The following APPBP2 variants were observed in gnomAD, a reference collection of about 807,000 sequenced individuals.
APPBP2 encodes amyloid beta precursor protein binding protein 2.
In APPBP2, 15 loss-of-function variants were observed where a neutral mutation model predicts 76.0. That is an observed-to-expected ratio of 0.20 (90% CI 0.13 to 0.30). The LOEUF (loss-of-function observed/expected upper bound fraction) is 0.30, where lower values mean the gene tolerates loss of function less well. APPBP2 is among the 10% of genes least tolerant of loss of function. APPBP2 has a pLI of 1.00. For missense variants in APPBP2, 401 were observed against 687.2 expected (o/e 0.58, Z 4.66); for synonymous variants, 222 against 242.2 (o/e 0.92, Z 0.77).
intron 3 of APPBP2, among the ~76,000 whole-genome samples, chr17:60,490,606 A>G (rs2090720171): frequency 6.6e-6 from 1 of 152,184 alleles, no homozygotes; most frequent in Non-Finnish European, 1.5e-5. Flanking sequence ...GTTTGAAGTT[A>G]CAGTGAGCTA....
At chr17:60,461,684 C>T in intron 8 of APPBP2, 126 bp downstream of exon 8, 1 of 633,698 alleles carries the variant, frequency 1.6e-6, no homozygotes, top group Non-Finnish European at 2.8e-6. Flanking sequence ...AATAATGATG[C>T]AACCTATATT....
chr17:60,460,907 A>ACC, intron 8 of APPBP2, 120 bp from the exon 9 acceptor site: 1 of 973,742 alleles, frequency 1.0e-6, no homozygotes, highest in Non-Finnish European at 1.4e-6. Context: ...TGAAGCCCAG[A>ACC]AAGTCCTGCT....
At chr17:60,486,833 G>A (rs529853076) in intron 3 of APPBP2, among the ~76,000 whole-genome samples, 31 of 152,232 alleles carry the variant, frequency 2.0e-4, no homozygotes, top group African/African-American at 5.8e-4. Context: ...GGCTGGTACC[G>A]GTTGTTCCTT....
At chr17:60,516,761 T>C (rs1184399918) in intron 1 of APPBP2, among the ~76,000 whole-genome samples, 1 of 152,224 alleles carries the variant, frequency 6.6e-6, no homozygotes, top group Non-Finnish European at 1.5e-5. Context: ...ATAATGCTGC[T>C]TTTCCAAAAT....
chr17:60,492,435 C>T (rs1272277453), intron 3 of APPBP2, among the ~76,000 whole-genome samples: 1 of 152,184 alleles, frequency 6.6e-6, no homozygotes, highest in African/African-American at 2.4e-5. Flanking sequence ...CCTGAAAAAA[C>T]CACAGACACT....
chr17:60,468,851 C>G (rs910327648), intron 4 of APPBP2, among the ~76,000 whole-genome samples: 2 of 152,202 alleles, frequency 1.3e-5, no homozygotes, highest in Non-Finnish European at 2.9e-5. Flanking sequence ...TCAACACCTA[C>G]TGTCAAGAAC....
rs536575757 is a variant in APPBP2 at position 60,506,814 on chromosome 17, G to C, written c.139-6327C>G. Among the ~76,000 whole-genome samples the C allele has an allele frequency of 1.8e-3, 278 of 152,306 alleles. 2 individuals carry two copies. The highest frequency in any genetic ancestry group is 3.4e-3 in the Admixed American group (52 of 15,292). ...GCACTTTGGGAGGCCGAGGCGGGCA[G>C]ATCACGAGGTCAAGAGATCGAGACC... On this transcript the variant is annotated intron_variant, in intron 1 of 12. Transcript: ENST00000083182.
intron 1 of APPBP2, among the ~76,000 whole-genome samples, chr17:60,518,496 G>A (rs1237342875): frequency 1.4e-5 from 2 of 146,360 alleles, no homozygotes; most frequent in African/African-American, 5.5e-5. Flanking sequence ...GAGCTACCAT[G>A]CCCAGCCGTG....
At chr17:60,501,447 T>C (rs2090822740) in intron 1 of APPBP2, among the ~76,000 whole-genome samples, 1 of 151,722 alleles carries the variant, frequency 6.6e-6, no homozygotes, top group Admixed American at 6.6e-5. Flanking sequence ...TACCCAAGAG[T>C]GTGTAGTGGT....
At chr17:60,469,455 T>C (rs1055707283) in intron 4 of APPBP2, among the ~76,000 whole-genome samples, 3 of 151,930 alleles carry the variant, frequency 2.0e-5, no homozygotes, top group African/African-American at 7.3e-5. Context: ...AACTTTGCCA[T>C]ATGAGCTATT....
intron 4 of APPBP2, among the ~76,000 whole-genome samples, chr17:60,469,921 T>C (rs553586141): frequency 6.6e-6 from 1 of 152,324 alleles, no homozygotes; most frequent in African/African-American, 2.4e-5. Context: ...CATACAGTAA[T>C]TCTATGTTTA....
At chr17:60,499,802 T>C (rs1305736902) in intron 2 of APPBP2, among the ~76,000 whole-genome samples, 2 of 152,110 alleles carry the variant, frequency 1.3e-5, no homozygotes, top group East Asian at 3.8e-4. Flanking sequence ...CTAAATGAAA[T>C]ACAATACACA....
chr17:60,485,377 G>A (rs557487239), intron 3 of APPBP2, among the ~76,000 whole-genome samples: 16 of 152,158 alleles, frequency 1.1e-4, no homozygotes, highest in South Asian at 2.1e-4. Flanking sequence ...CCTCAATTCC[G>A]GAGCCTGTTA....
At chr17:60,487,558 T>A (rs778200331) in intron 3 of APPBP2, among the ~76,000 whole-genome samples, 6 of 152,186 alleles carry the variant, frequency 3.9e-5, no homozygotes, top group Non-Finnish European at 8.8e-5. Flanking sequence ...TCATTTAAGG[T>A]CTTCTCTACA....
At chr17:60,458,624 C>G (rs1189597592) in intron 9 of APPBP2, among the ~76,000 whole-genome samples, 1 of 152,100 alleles carries the variant, frequency 6.6e-6, no homozygotes, top group Non-Finnish European at 1.5e-5. Flanking sequence ...GTGAAAGAAG[C>G]TATAGAAAAC....
chr17:60,516,121 C>G (rs572697181), intron 1 of APPBP2, among the ~76,000 whole-genome samples: 5 of 152,038 alleles, frequency 3.3e-5, no homozygotes, highest in Non-Finnish European at 7.4e-5. Context: ...AGAGATCATG[C>G]CACTGCACTC....
At chr17:60,514,551 A>G (rs2090947090) in intron 1 of APPBP2, among the ~76,000 whole-genome samples, 1 of 152,246 alleles carries the variant, frequency 6.6e-6, no homozygotes, top group South Asian at 2.1e-4. Flanking sequence ...TCTAGTATAC[A>G]TAGAATACTC....
Position 60,525,999 on chromosome 17 carries a change from A to C in APPBP2, c.-68T>G. 6.8e-7 allele frequency: 1 copy of C among 1,471,420 alleles called. No homozygotes were observed. The highest frequency in any genetic ancestry group is 9.2e-7 in the Non-Finnish European group (1 of 1,086,640). 91.1% of individuals were successfully genotyped at this position (1,471,420 alleles called of 1,614,324 possible). On this transcript the variant is annotated 5_prime_UTR_variant, in exon 1 of 13. Coordinates refer to ENST00000083182, the MANE Select transcript of APPBP2 (RefSeq NM_006380.5). ...AAGGCCCCCACCTCCCTCCGTAGCGAACCCCTCTGCGGCCCCGGAGGATTC... is the reference window on the plus strand; with the variant it reads ...AAGGCCCCCACCTCCCTCCGTAGCGCACCCCTCTGCGGCCCCGGAGGATTC...
At chr17:60,506,738 T>TA (rs1370062142) in intron 1 of APPBP2, among the ~76,000 whole-genome samples, 1 of 152,170 alleles carries the variant, frequency 6.6e-6, no homozygotes, top group Non-Finnish European at 1.5e-5. Context: ...ATTTTCTTTT[T>TA]TAAAAAAAAC....
Sources: gnomAD v4.1 joint callset for allele counts (sites outside exome capture counted in the v4.1 genomes callset) on GRCh38, gnomAD v4.1.1 for gene constraint, MANE v1.5 for transcripts, NCBI Gene and HGNC (gene_info 2026-07-23, HGNC 2026-07-21) for gene names.